Variants in AKAP14 observed in about 807,000 individuals in gnomAD.
The protein encoded by AKAP14 is A-kinase anchor protein 14.
A neutral mutation model predicts 17.0 loss-of-function variants in AKAP14; 4 were observed. The ratio of observed to expected loss-of-function variants is 0.23; its 90% CI spans 0.12 to 0.54. The LOEUF is 0.54. Among genes scored for constraint, AKAP14 ranks in the 20% least tolerant of loss-of-function variants. The pLI, the probability that AKAP14 is intolerant of heterozygous loss-of-function variation, is 0.95. For missense variants in AKAP14, 129 were observed against 150.9 expected (o/e 0.85, Z 0.76); for synonymous variants, 42 against 51.3 (o/e 0.82, Z 0.77).
chrX:119,905,692 T>G (rs2056593672), intron 4 of AKAP14, among the ~76,000 whole-genome samples: 1 of 111,346 alleles, frequency 9.0e-6, no homozygotes, highest in Admixed American at 9.7e-5. Flanking sequence ...ACCCTTGCTC[T>G]TGCTGTTCCC....
At chrX:119,919,682 C>T in intron 5 of AKAP14, 1 of 316,504 alleles carries the variant, frequency 3.2e-6, no homozygotes, top group Non-Finnish European at 5.5e-6. Flanking sequence ...TCCGTCTCTA[C>T]TAAAAATAAA....
intron 4 of AKAP14, among the ~76,000 whole-genome samples, chrX:119,906,626 T>C (rs1334000731): frequency 9.1e-6 from 1 of 109,441 alleles, no homozygotes; most frequent in Non-Finnish European, 1.9e-5. Flanking sequence ...CTCCACCTCC[T>C]GGGTTCAAGT....
intron 5 of AKAP14, among the ~76,000 whole-genome samples, chrX:119,916,836 G>A (rs1357179318): frequency 7.0e-5 from 7 of 100,277 alleles, no homozygotes; most frequent in African/African-American, 1.4e-4. Flanking sequence ...GGGCAGGCGC[G>A]GTGGCTCATG....
At chrX:119,911,709 G>GTT (rs762786160) in intron 4 of AKAP14, among the ~76,000 whole-genome samples, 1 of 103,430 alleles carries the variant, frequency 9.7e-6, no homozygotes, top group Admixed American at 1.1e-4. Context: ...CATGAAACTT[G>GTT]TTTTTTTTTT....
chrX:119,910,873 G>A (rs1424678872), intron 4 of AKAP14, among the ~76,000 whole-genome samples: 1 of 108,300 alleles, frequency 9.2e-6, no homozygotes, highest in Non-Finnish European at 1.9e-5. Context: ...CGTTGGTCAG[G>A]CTGGTCTCGA....
Position 119,903,369 on chromosome X carries a change from A to G in AKAP14, c.146A>G (p.Asn49Ser), listed in dbSNP as rs1311791362. 2 of 1,210,500 alleles carry G rather than the reference A, an allele frequency of 1.7e-6. No homozygotes were observed. Among genetic ancestry groups the G allele is most frequent in the African/African-American group, 3.5e-5 (2 of 57,382 alleles). The part of the protein sequence containing the change: ...VALALVEDVI[N>S]YAVKIVEEER... Reference sequence around the variant, plus strand: ...CTAGCTCTGGTTGAGGATGTCATCAATTATGCTGTTAAGATTGTGGAAGGT... The same window carrying G: ...CTAGCTCTGGTTGAGGATGTCATCAGTTATGCTGTTAAGATTGTGGAAGGT... Residue 49 changes from asparagine (N) to serine (S), a missense_variant, in exon 3 of 7, where the codon AAT becomes AGT. Asn to Ser is a conservative substitution (Grantham distance 46, BLOSUM62 1). Transcript: ENST00000371431.
At chrX:119,914,110 C>T (rs1168215339) in intron 4 of AKAP14, among the ~76,000 whole-genome samples, 3 of 104,890 alleles carry the variant, frequency 2.9e-5, no homozygotes, top group East Asian at 3.1e-4. Context: ...TGGTGGCATA[C>T]GCCTGTAATC....
chrX:119,916,191 T>A (rs960884433), intron 5 of AKAP14, among the ~76,000 whole-genome samples: 6 of 109,261 alleles, frequency 5.5e-5, no homozygotes, highest in Non-Finnish European at 9.5e-5. Flanking sequence ...CTTTTTTTTT[T>A]AAGACAGAGT....
intron 4 of AKAP14, among the ~76,000 whole-genome samples, chrX:119,909,933 G>A (rs749813672): frequency 1.0e-4 from 11 of 109,841 alleles, no homozygotes; most frequent in Non-Finnish European, 1.5e-4. Context: ...CGAGGCCAGT[G>A]GATCACTTGA....
chrX:119,909,173 A>G (rs1455574254), intron 4 of AKAP14, among the ~76,000 whole-genome samples: 1 of 111,237 alleles, frequency 9.0e-6, no homozygotes, highest in African/African-American at 3.3e-5. Context: ...ATATTGAGTA[A>G]TATAGAACAG....
intron 2 of AKAP14, among the ~76,000 whole-genome samples, chrX:119,900,114 T>G (rs1190994931): frequency 9.5e-6 from 1 of 104,910 alleles, no homozygotes; most frequent in African/African-American, 3.5e-5. Flanking sequence ...TTTTTTGAGA[T>G]GGAGTCTCAC....
intron 4 of AKAP14, among the ~76,000 whole-genome samples, chrX:119,903,891 G>A (rs762507805): frequency 1.4e-4 from 16 of 111,658 alleles, no homozygotes; most frequent in African/African-American, 5.2e-4. Context: ...TGGGGGCCTA[G>A]TGGCCTAAGG....
At position 119,906,475 on chromosome X, in the gene AKAP14, C is replaced by A. The variant is rs1177804370; in HGVS notation, c.261+2889C>A. On this transcript the variant is annotated intron_variant, in intron 4 of 6. Transcript: ENST00000371431. ...GTCTCGATCTTCTGACCTTGTGATCCGCCTGCCTCGGCCTCCCAAAGTGCT... is the reference window on the plus strand; with the variant it reads ...GTCTCGATCTTCTGACCTTGTGATCAGCCTGCCTCGGCCTCCCAAAGTGCT... Among the ~76,000 whole-genome samples, 5 of 108,398 alleles carry A rather than the reference C, an allele frequency of 4.6e-5. No homozygotes were observed. In the East Asian group the frequency reaches 1.4e-3, roughly 31 times the overall value. The allele number at this position is 108,398 out of a possible 115,157, so 94.1% of individuals were successfully genotyped here. A position where few individuals can be genotyped will look rare whatever the true frequency, so the allele number is the denominator to read the frequency against.
chrX:119,913,773 C>CTCAATCAA (rs10570399), intron 4 of AKAP14, among the ~76,000 whole-genome samples: 101 of 105,126 alleles, frequency 9.6e-4, no homozygotes, highest in African/African-American at 3.3e-3. Context: ...GAGGCTCTGT[C>CTCAATCAA]TCAATCAATC....
chrX:119,919,957 T>C lies in AKAP14; in HGVS notation c.488T>C (p.Val163Ala). 8.3e-7 allele frequency: 1 copy of C among 1,209,510 alleles called. No individual in the cohort carries two copies. The highest frequency in any genetic ancestry group is 1.1e-6 in the Non-Finnish European group (1 of 893,645). Residue 163 changes from valine (V) to alanine (A), a missense_variant, in exon 6 of 7, where the codon GTT becomes GCT. Coordinates refer to ENST00000371431, the MANE Select transcript of AKAP14 (RefSeq NM_178813.6). The part of the protein sequence containing the change: ...VSYVGDHQAL[V>A]HRPGMVRFRE... ...TATGTAGGTGACCACCAAGCATTAGTTCACAGGTAATGAACATTTGGAGGT... is the reference window on the plus strand; with the variant it reads ...TATGTAGGTGACCACCAAGCATTAGCTCACAGGTAATGAACATTTGGAGGT...
chrX:119,908,989 C>T (rs2056613119), intron 4 of AKAP14, among the ~76,000 whole-genome samples: 1 of 111,058 alleles, frequency 9.0e-6, no homozygotes, highest in African/African-American at 3.3e-5. Flanking sequence ...GCGGGCTGCT[C>T]AGGAGTCCTG....
chrX:119,909,403 C>T (rs1453956255), intron 4 of AKAP14, among the ~76,000 whole-genome samples: 1 of 110,211 alleles, frequency 9.1e-6, no homozygotes, highest in Non-Finnish European at 1.9e-5. Flanking sequence ...TGGTGCACAC[C>T]TGTAATGCCA....
chrX:119,900,564 G>C (rs189898711), intron 2 of AKAP14, among the ~76,000 whole-genome samples: 11 of 111,357 alleles, frequency 9.9e-5, no homozygotes, highest in Admixed American at 2.9e-4. Flanking sequence ...ACAGGGTCTC[G>C]CTCTGTCACC....
Position 119,919,904 on chromosome X carries a change from T to G in AKAP14, c.442-7T>G, listed in dbSNP as rs186785902. ...TCTGGGCTAACAGTTGTCCTTCTCT[T>G]TTTTAGGATGCACCCATTGTTGTTT... is the stretch of plus-strand genomic sequence containing the variant. On this transcript the variant is annotated splice_polypyrimidine_tract_variant and splice_region_variant and intron_variant, in intron 5 of 6. Transcript: ENST00000371431. The G allele has an allele frequency of 5.7e-4, 684 of 1,207,631 alleles. 7 individuals are homozygous for G. In the Admixed American group the frequency reaches 0.014, roughly 24 times the overall value.
Sources: gnomAD v4.1 joint callset for allele counts (sites outside exome capture counted in the v4.1 genomes callset) on GRCh38, gnomAD v4.1.1 for gene constraint, MANE v1.5 for transcripts, NCBI Gene and HGNC (gene_info 2026-07-23, HGNC 2026-07-21) for gene names.